Variants in CCT8 observed in about 807,000 individuals in gnomAD.
CCT8 encodes the protein T-complex protein 1 subunit theta.
Under a neutral mutation model 65.7 loss-of-function variants are expected in CCT8, and 10 were observed. That is an observed-to-expected ratio of 0.15 (90% CI 0.09 to 0.26). The LOEUF (loss-of-function observed/expected upper bound fraction) is 0.26. Ranked by LOEUF, CCT8 falls within the 10% of genes least tolerant of loss-of-function variation. CCT8 has a pLI of 1.00. For missense variants in CCT8, 568 were observed against 669.1 expected (o/e 0.85, Z 1.67); for synonymous variants, 199 against 221.8 (o/e 0.90, Z 0.92).
intron 13 of CCT8, 149 bp from the exon 14 acceptor site, chr21:29,060,809 G>A: frequency 1.2e-6 from 1 of 844,408 alleles, no homozygotes; most frequent in South Asian, 1.7e-5. Context: ...AGTATGTGAG[G>A]ATTGGTTCTA....
intron 14 of CCT8, among the ~76,000 whole-genome samples, chr21:29,057,618 A>G (rs1383175257): frequency 2.1e-5 from 3 of 145,322 alleles, no homozygotes; most frequent in African/African-American, 7.4e-5. Context: ...AAAAATATAT[A>G]TATATATAAA....
intron 5 of CCT8, 28 bp downstream of exon 5, chr21:29,066,863 A>G: frequency 6.3e-7 from 1 of 1,587,932 alleles, no homozygotes; most frequent in Non-Finnish European, 8.6e-7. Flanking sequence ...TTTATTTTGG[A>G]TCTTTTCATT....
intron 6 of CCT8, among the ~76,000 whole-genome samples, chr21:29,065,504 G>C (rs9808644): frequency 0.026 from 4,032 of 152,306 alleles, 132 homozygotes; most frequent in East Asian, 0.16. Flanking sequence ...TACGTGGAGG[G>C]AGACAGCAAA....
chr21:29,069,788 A>C (rs1375010195), intron 2 of CCT8, among the ~76,000 whole-genome samples: 1 of 152,190 alleles, frequency 6.6e-6, no homozygotes, highest in African/African-American at 2.4e-5. Context: ...TTGCAACATG[A>C]CTGTCATGCA....
rs768216110 is a variant in CCT8 at position 29,066,780 on chromosome 21, G to A, written c.563-3C>T. 7.5e-6 allele frequency: 12 copies of A among 1,602,992 alleles called. No individual in the cohort carries two copies. The highest frequency in any genetic ancestry group is 1.0e-5 in the Non-Finnish European group (12 of 1,174,278). ...GCCGGAATCAGGAAAAATAGATACTGTTAAGAAAATGAGACATATCAAAAG... is the reference window on the plus strand; with the variant it reads ...GCCGGAATCAGGAAAAATAGATACTATTAAGAAAATGAGACATATCAAAAG... On this transcript the variant is annotated splice_region_variant and splice_polypyrimidine_tract_variant and intron_variant, in intron 5 of 14. Transcript: ENST00000286788.
rs2085498907 is a variant in CCT8 at position 29,056,409 on chromosome 21, ACAT to A, written c.*63_*65del. On this transcript the variant is annotated 3_prime_UTR_variant, in exon 15 of 15. Coordinates refer to ENST00000286788, the MANE Select transcript of CCT8 (RefSeq NM_006585.4). ...CTCTTAATTTAAGGAGAATAAGAAA[ACAT>A]CAGGTGATTCTTGAGTACTACTACA... 11 of 783,440 alleles carry A rather than the reference ACAT, an allele frequency of 1.4e-5. No individual in the cohort carries two copies. Among genetic ancestry groups the A allele is most frequent in the Middle Eastern group, 4.2e-4 (1 of 2,384 alleles). The allele number at this position is 783,440 out of a possible 1,614,324, so 48.5% of individuals were successfully genotyped here. A position where few individuals can be genotyped will look rare whatever the true frequency, so the allele number is the denominator to read the frequency against.
intron 7 of CCT8, 28 bp from the exon 8 acceptor site, chr21:29,063,558 A>G (rs866284375): frequency 3.7e-6 from 6 of 1,605,812 alleles, no homozygotes; most frequent in Middle Eastern, 3.3e-4. Context: ...CATTCCCTTT[A>G]AAATCATTTC....
In CCT8 at chr21:29,069,404, T is replaced by A. The variant is rs1468214991; in HGVS notation, c.231+19A>T. 6.8e-7 allele frequency: 1 copy of A among 1,474,192 alleles called. No individual in the cohort carries two copies. The highest frequency in any genetic ancestry group is 9.2e-7 in the Non-Finnish European group (1 of 1,085,034). The allele number at this position is 1,474,192 out of a possible 1,614,324, so 91.3% of individuals were successfully genotyped here. ...GATGTCACCAAAATATTTCTTGACT[T>A]TTTAAAGAAACAACTTACTTCTAGT... On this transcript the variant is annotated intron_variant, in intron 3 of 14. Coordinates refer to ENST00000286788, the MANE Select transcript of CCT8 (RefSeq NM_006585.4).
At chr21:29,067,201 G>A in intron 4 of CCT8, 130 bp from the exon 5 acceptor site, 2 of 643,448 alleles carry the variant, frequency 3.1e-6, no homozygotes, top group Non-Finnish European at 5.1e-6. Flanking sequence ...ACATATAGTA[G>A]ACTCTACTAG....
chr21:29,071,925 C>A lies in CCT8; in HGVS notation c.61-1588G>T. ...AAACAAGGCCCTACGTATCCCGGCC[C>A]TTGTATGGCTCCTCCTCTGAACTTA... On this transcript the variant is annotated intron_variant, in intron 1 of 14. Transcript: ENST00000286788. The A allele has an allele frequency of 5.7e-6, 4 of 702,340 alleles. No homozygotes were observed. In the South Asian group the frequency reaches 5.9e-5, roughly 10 times the overall value. The allele number at this position is 702,340 out of a possible 1,614,324, so 43.5% of individuals were successfully genotyped here.
intron 1 of CCT8, among the ~76,000 whole-genome samples, chr21:29,071,242 C>T (rs1568916467): frequency 6.6e-6 from 1 of 152,106 alleles, no homozygotes; most frequent in Non-Finnish European, 1.5e-5. Context: ...GTTCAAATGC[C>T]CAGTAGCTAC....
intron 1 of CCT8, chr21:29,072,160 C>T (rs1239270171): frequency 1.7e-5 from 10 of 576,160 alleles, no homozygotes; most frequent in South Asian, 1.5e-4. Flanking sequence ...GAGTTCTTCC[C>T]TAAACGTCTA....
At chr21:29,072,837 T>C (rs979640267) in intron 1 of CCT8, among the ~76,000 whole-genome samples, 7 of 152,254 alleles carry the variant, frequency 4.6e-5, no homozygotes, top group Non-Finnish European at 1.5e-5. Flanking sequence ...AAAAGTGTTA[T>C]CTGCACCCCT....
chr21:29,056,416 G>A lies in CCT8; in HGVS notation c.*59C>T. The A allele has an allele frequency of 2.3e-6, 2 of 851,306 alleles. No individual in the cohort carries two copies. The highest frequency in any genetic ancestry group is 2.9e-5 in the Admixed American group (1 of 34,266). The allele number at this position is 851,306 out of a possible 1,614,324, so 52.7% of individuals were successfully genotyped here. ...TTTAAGGAGAATAAGAAAACATCAG[G>A]TGATTCTTGAGTACTACTACAAATA... is the stretch of plus-strand genomic sequence containing the variant. On this transcript the variant is annotated 3_prime_UTR_variant, in exon 15 of 15. Transcript: ENST00000286788.
At chr21:29,072,998 A>G (rs1032457412) in intron 1 of CCT8, among the ~76,000 whole-genome samples, 1 of 152,242 alleles carries the variant, frequency 6.6e-6, no homozygotes, top group Non-Finnish European at 1.5e-5. Flanking sequence ...TCATTTGGCT[A>G]CAACGCATGG....
At chr21:29,058,913 T>C (rs780284388) in intron 14 of CCT8, among the ~76,000 whole-genome samples, 101 of 152,160 alleles carry the variant, frequency 6.6e-4, no homozygotes, top group Non-Finnish European at 8.7e-4. Flanking sequence ...GTATTTCTTA[T>C]TTATTTTTAG....
chr21:29,059,083 A>G (rs2085535055), intron 14 of CCT8, among the ~76,000 whole-genome samples: 1 of 152,144 alleles, frequency 6.6e-6, no homozygotes, highest in South Asian at 2.1e-4. Context: ...CTGGCTGAGA[A>G]CTGTCATTCT....
chr21:29,068,925 T>G (rs2146439960), intron 3 of CCT8, among the ~76,000 whole-genome samples: 1 of 152,342 alleles, frequency 6.6e-6, no homozygotes. Context: ...GAGGAATGGC[T>G]CTCTCTGCCT....
Position 29,067,582 on chromosome 21 carries a change from G to A in CCT8, c.355C>T (p.Leu119=), listed in dbSNP as rs543851645. 74 of 1,460,314 alleles carry A rather than the reference G, an allele frequency of 5.1e-5. No homozygotes were observed. Among genetic ancestry groups the A allele is most frequent in the Non-Finnish European group, 6.3e-5 (70 of 1,111,410 alleles). 90.5% of individuals were successfully genotyped at this position (1,460,314 alleles called of 1,614,324 possible). ...GALLELAEEL[L]RIGLSVSEVI... ...TCTGAAACTGACAGGCCAATCCTCA[G>A]AAGTTCTTCAGCTAATTCCAGGAGA... Residue 119 remains leucine (L), a synonymous_variant, in exon 4 of 15, where the codon CTG becomes TTG. Transcript: ENST00000286788.
Sources: allele counts gnomAD v4.1 joint callset (sites outside exome capture counted in the v4.1 genomes callset), GRCh38; gene constraint gnomAD v4.1.1; transcripts MANE v1.5; gene names NCBI Gene and HGNC (gene_info 2026-07-23, HGNC 2026-07-21).